Variants in KCNQ1OT1 observed in about 807,000 individuals in gnomAD.
The protein encoded by KCNQ1OT1 is KCNQ1 antisense RNA 2 (non-protein coding).
chr11:2,638,803 G>T (rs1482110018), exon 1 of KCNQ1OT1: 2 of 152,236 alleles, frequency 1.3e-5, no homozygotes, highest in Admixed American at 1.3e-4. Flanking sequence ...ATATCCTGAA[G>T]AGTGTTTTCC....
chr11:2,628,839 C>G, exon 1 of KCNQ1OT1: 1 of 398,264 alleles, frequency 2.5e-6, no homozygotes, highest in Non-Finnish European at 4.4e-6. Flanking sequence ...ATGTGGATAT[C>G]CTGGTTTCAC....
exon 1 of KCNQ1OT1, chr11:2,641,455 ATG>A: frequency 2.5e-6 from 1 of 397,980 alleles, no homozygotes; most frequent in Non-Finnish European, 4.4e-6. Context: ...ATATCTATCC[ATG>A]TCTTTTGCTC....
Position 2,687,742 on chromosome 11 carries a change from G to A in KCNQ1OT1, n.12253C>T. Reference sequence around the variant, plus strand: ...TCAAGCCAGTAACCAGCAAATCATGGGGAGACTGAGAAGAGGAGCCCCTTA... The same window carrying A: ...TCAAGCCAGTAACCAGCAAATCATGAGGAGACTGAGAAGAGGAGCCCCTTA... On this transcript the variant is annotated non_coding_transcript_exon_variant, in exon 1 of 1. Transcript: ENST00000597346. The surrounding 1 kb of genome is among the most constrained non-coding windows in gnomAD (Gnocchi z 5.0). The A allele has an allele frequency of 2.5e-6, 1 of 398,674 alleles. No homozygotes were observed. The highest frequency in any genetic ancestry group is 4.4e-6 in the Non-Finnish European group (1 of 226,138). The allele number at this position is 398,674 out of a possible 1,614,324, so 24.7% of individuals were successfully genotyped here.
At chr11:2,696,077 G>C in exon 1 of KCNQ1OT1, 1 of 398,610 alleles carries the variant, frequency 2.5e-6, no homozygotes, top group South Asian at 1.3e-4. Context: ...CCCTTGCCAT[G>C]ATGGATTTAT....
exon 1 of KCNQ1OT1, chr11:2,635,148 G>A (rs1424574894): frequency 4.6e-5 from 7 of 152,222 alleles, no homozygotes; most frequent in East Asian, 1.9e-4. Context: ...TCACTCTGAC[G>A]GTAGTTTCTT....
Position 2,612,861 on chromosome 11 carries a change from A to G in KCNQ1OT1, n.87134T>C, listed in dbSNP as rs375980864. 1 of 398,418 alleles carries G rather than the reference A, an allele frequency of 2.5e-6. No homozygotes were observed. The highest frequency in any genetic ancestry group is 2.1e-5 in the African/African-American group (1 of 48,594). 24.7% of individuals were successfully genotyped at this position (398,418 alleles called of 1,614,324 possible). The stretch of plus-strand genomic sequence containing the variant: ...ATATATCGTAGAAACTCTGGATTCT[A>G]GTTCTTCTCCCTAACCAGGGATGAT... On this transcript the variant is annotated non_coding_transcript_exon_variant, in exon 1 of 1. Coordinates refer to ENST00000597346, the Ensembl canonical transcript of KCNQ1OT1. This position sits in a 1 kb window ranked among gnomAD's most constrained non-coding sequence, Gnocchi z 5.5.
exon 1 of KCNQ1OT1, chr11:2,662,184 C>G: frequency 6.7e-7 from 1 of 1,503,684 alleles, no homozygotes; most frequent in South Asian, 1.2e-5. Context: ...AGAGTGCTAT[C>G]TACTCGCCTA....
exon 1 of KCNQ1OT1, chr11:2,684,002 C>T (rs1388677241): frequency 2.8e-5 from 11 of 398,218 alleles, no homozygotes; most frequent in South Asian, 1.3e-4. Context: ...TTGGCAACTC[C>T]GTCTCTCCTT....
At chr11:2,680,413 T>G (rs1338080915) in exon 1 of KCNQ1OT1, 6 of 398,378 alleles carry the variant, frequency 1.5e-5, no homozygotes, top group East Asian at 1.4e-4. Context: ...TTTTAGATCT[T>G]TGTATGGATT....
At chr11:2,609,765 A>T (rs750052366) in exon 1 of KCNQ1OT1, 38 of 398,044 alleles carry the variant, frequency 9.5e-5, no homozygotes, top group African/African-American at 7.6e-4. Flanking sequence ...TTTTATCATT[A>T]TGAGATATTC....
chr11:2,687,166 A>G lies in KCNQ1OT1; in HGVS notation n.12829T>C, dbSNP rs1206544000. On this transcript the variant is annotated non_coding_transcript_exon_variant, in exon 1 of 1. Transcript: ENST00000597346. The surrounding 1 kb of genome is among the most constrained non-coding windows in gnomAD (Gnocchi z 5.0). The stretch of plus-strand genomic sequence containing the variant: ...TGAGCCAGCTTCCTCCACAAAGCAC[A>G]GAAGTCTGCCAAAAGCCCAGGCTGG... 5.0e-6 allele frequency: 2 copies of G among 398,648 alleles called. No homozygotes were observed. Among genetic ancestry groups the G allele is most frequent in the Middle Eastern group, 6.3e-4 (1 of 1,588 alleles). The allele number at this position is 398,648 out of a possible 1,614,324, so 24.7% of individuals were successfully genotyped here.
exon 1 of KCNQ1OT1, chr11:2,693,964 A>G: frequency 2.5e-6 from 1 of 398,704 alleles, no homozygotes; most frequent in Non-Finnish European, 4.4e-6. Flanking sequence ...GTCTGCACTA[A>G]CTGGAGAAGG....
rs915675376 is a variant in KCNQ1OT1, at chr11:2,626,902, C to G, written n.73093G>C. On this transcript the variant is annotated non_coding_transcript_exon_variant, in exon 1 of 1. Coordinates refer to ENST00000597346, the Ensembl canonical transcript of KCNQ1OT1. This position sits in a 1 kb window ranked among gnomAD's most constrained non-coding sequence, Gnocchi z 4.0. Reference sequence around the variant, plus strand: ...CATTTTCAAGAATGTTTTAGCTATTCAAGGTCCCTTGAGATTCCATGTGAA... The same window carrying G: ...CATTTTCAAGAATGTTTTAGCTATTGAAGGTCCCTTGAGATTCCATGTGAA... The G allele has an allele frequency of 5.0e-6, 2 of 398,556 alleles. No homozygotes were observed. The highest frequency in any genetic ancestry group is 6.3e-4 in the Middle Eastern group (1 of 1,588). 24.7% of individuals were successfully genotyped at this position (398,556 alleles called of 1,614,324 possible).
rs1849588975 is a variant in KCNQ1OT1 at position 2,642,087 on chromosome 11, T to C, written n.57908A>G. 5.0e-6 allele frequency: 2 copies of C among 398,508 alleles called. No individual in the cohort carries two copies. The highest frequency in any genetic ancestry group is 8.9e-6 in the Non-Finnish European group (2 of 225,980). The allele number at this position is 398,508 out of a possible 1,614,324, so 24.7% of individuals were successfully genotyped here. A position where few individuals can be genotyped will look rare whatever the true frequency, so the allele number is the denominator to read the frequency against. ...CCAACTTTGTTATTTTTGCTCAGAA[T>C]TGCTGTGGCTATTCCAGCTCTTTTT... On this transcript the variant is annotated non_coding_transcript_exon_variant, in exon 1 of 1. Coordinates refer to ENST00000597346, the Ensembl canonical transcript of KCNQ1OT1. This position sits in a 1 kb window ranked among gnomAD's most constrained non-coding sequence, Gnocchi z 4.3.
chr11:2,687,393 G>C lies in KCNQ1OT1; in HGVS notation n.12602C>G, dbSNP rs1027814171. ...TCACTCAGGGCTGAGCTCTGCTGAAGGATCTGGGAGGTCAGTAGGCACCTG... is the reference window on the plus strand; with the variant it reads ...TCACTCAGGGCTGAGCTCTGCTGAACGATCTGGGAGGTCAGTAGGCACCTG... On this transcript the variant is annotated non_coding_transcript_exon_variant, in exon 1 of 1. Coordinates refer to ENST00000597346, the Ensembl canonical transcript of KCNQ1OT1. The surrounding 1 kb of genome is among the most constrained non-coding windows in gnomAD (Gnocchi z 5.0). 1.3e-5 allele frequency: 5 copies of C among 398,538 alleles called. No individual in the cohort carries two copies. The highest frequency in any genetic ancestry group is 1.0e-4 in the African/African-American group (5 of 48,632). The allele number at this position is 398,538 out of a possible 1,614,324, so 24.7% of individuals were successfully genotyped here.
At position 2,674,909 on chromosome 11, in the gene KCNQ1OT1, C is replaced by A. The variant is rs1850265950; in HGVS notation, n.25086G>T. The A allele has an allele frequency of 2.5e-6, 1 of 394,730 alleles. No homozygotes were observed. Among genetic ancestry groups the A allele is most frequent in the African/African-American group, 2.1e-5 (1 of 47,736 alleles). The allele number at this position is 394,730 out of a possible 1,614,324, so 24.5% of individuals were successfully genotyped here. A position where few individuals can be genotyped will look rare whatever the true frequency, so the allele number is the denominator to read the frequency against. On this transcript the variant is annotated non_coding_transcript_exon_variant, in exon 1 of 1. Transcript: ENST00000597346. This position sits in a 1 kb window ranked among gnomAD's most constrained non-coding sequence, Gnocchi z 5.9. ...GGGTCTGAAAAGTCCTTTGTGTTAG[C>A]TCCAGCTGCAGAGTTTTTCCAGGCC...
chr11:2,646,451 T>C (rs1297413326), exon 1 of KCNQ1OT1: 2 of 398,544 alleles, frequency 5.0e-6, no homozygotes, highest in Non-Finnish European at 8.8e-6. Flanking sequence ...TTTTTGTAGC[T>C]ATTGCAAATG....
At chr11:2,614,110 C>A in exon 1 of KCNQ1OT1, 1 of 398,482 alleles carries the variant, frequency 2.5e-6, no homozygotes, top group Non-Finnish European at 4.4e-6. Context: ...CTATGCTCAC[C>A]ATTCTTTGGC....
At position 2,659,708 on chromosome 11, in the gene KCNQ1OT1, C is replaced by T; in HGVS notation, n.40287G>A. 1 of 398,454 alleles carries T rather than the reference C, an allele frequency of 2.5e-6. No homozygotes were observed. The highest frequency in any genetic ancestry group is 4.4e-5 in the Admixed American group (1 of 22,730). The allele number at this position is 398,454 out of a possible 1,614,324, so 24.7% of individuals were successfully genotyped here. ...AAAGTCACTGTGCCATTTTGCATTC[C>T]CACCAGTAACATATGAGAGTTCTAC... On this transcript the variant is annotated non_coding_transcript_exon_variant, in exon 1 of 1. Coordinates refer to ENST00000597346, the Ensembl canonical transcript of KCNQ1OT1. The surrounding 1 kb of genome is among the most constrained non-coding windows in gnomAD (Gnocchi z 4.3).
Sources: allele counts gnomAD v4.1 joint callset, GRCh38; gene constraint gnomAD v4.1.1; non-coding constraint Gnocchi (gnomAD v3.1); transcripts MANE v1.5; gene names NCBI Gene and HGNC (gene_info 2026-07-23, HGNC 2026-07-21).